The following TBC1D15 variants were observed in gnomAD, a reference collection of about 807,000 sequenced individuals.
The protein encoded by TBC1D15 is TBC1 domain family member 15.
In TBC1D15, 39 loss-of-function variants were observed where a neutral mutation model predicts 95.4. The ratio of observed to expected loss-of-function variants is 0.41; its 90% CI spans 0.32 to 0.53. TBC1D15 has a LOEUF of 0.53. Among genes scored for constraint, TBC1D15 ranks in the 20% least tolerant of loss-of-function variants. The pLI, the probability that TBC1D15 is intolerant of heterozygous loss-of-function variation, is 0.29. For synonymous variants in TBC1D15, 258 were observed against 261.3 expected, an observed-to-expected ratio of 0.99 and a Z score of 0.12; for missense variants, 733 against 794.3, an observed-to-expected ratio of 0.92 and a Z score of 0.93.
Position 71,907,056 on chromosome 12 carries a change from G to T in TBC1D15, c.1218G>T (p.Lys406Asn). 6.2e-7 allele frequency: 1 copy of T among 1,611,704 alleles called. No individual in the cohort carries two copies. Among genetic ancestry groups the T allele is most frequent in the Non-Finnish European group, 8.5e-7 (1 of 1,178,892 alleles). ...TTAACAGAACAGATCGAACAAACAAGTTTTATGAAGGCCAAGATAATCCAG... is the reference window on the plus strand; with the variant it reads ...TTAACAGAACAGATCGAACAAACAATTTTTATGAAGGCCAAGATAATCCAG... ...KDVNRTDRTN[K>N]FYEGQDNPGL... The change falls in exon 11 of 17, where the codon AAG becomes AAT. Residue 406 changes from lysine to asparagine, a missense_variant. Lys to Asn is a moderately conservative substitution (Grantham distance 94). Coordinates refer to ENST00000485960, the MANE Select transcript of TBC1D15 (RefSeq NM_001146213.3).
chr12:71,891,073 A>G (rs1212453639), intron 5 of TBC1D15, among the ~76,000 whole-genome samples: 1 of 151,494 alleles, frequency 6.6e-6, no homozygotes, highest in Non-Finnish European at 1.5e-5. Context: ...AAATTTTGTT[A>G]TTGTACCTTT....
At chr12:71,850,257 A>C in intron 1 of TBC1D15, 1 of 526,224 alleles carries the variant, frequency 1.9e-6, no homozygotes, top group Non-Finnish European at 3.7e-6. Flanking sequence ...AAGAAGTAAC[A>C]TTTCTCTGTC....
Position 71,924,272 on chromosome 12 carries a change from G to A in TBC1D15, c.*1068G>A, listed in dbSNP as rs1426337121. 1.3e-5 allele frequency: 2 copies of A among 152,690 alleles called. No homozygotes were observed. The highest frequency in any genetic ancestry group is 2.1e-4 in the South Asian group (1 of 4,828). 9.5% of individuals were successfully genotyped at this position (152,690 alleles called of 1,614,324 possible). On this transcript the variant is annotated 3_prime_UTR_variant, in exon 17 of 17. Transcript: ENST00000485960. ...ACTGATTTTGTTTTAATTGTAAGTT[G>A]TTAACTCCTGTATATATCATTAAAA... is the stretch of plus-strand genomic sequence containing the variant.
chr12:71,923,166 C>A lies in TBC1D15; in HGVS notation c.1987C>A (p.Pro663Thr), dbSNP rs1566090835. ...GARNDSPTQI[P>T]VSSDVCRLTP... ...CAGAAATGACAGCCCAACACAGATA[C>A]CAGTGTCCTCAGATGTCTGCAGATT... is the stretch of plus-strand genomic sequence containing the variant. Residue 663 changes from proline (P) to threonine (T), a missense_variant, in exon 17 of 17, where the codon CCA becomes ACA. Pro to Thr is a conservative substitution (Grantham distance 38). Coordinates refer to ENST00000485960, the MANE Select transcript of TBC1D15 (RefSeq NM_001146213.3). 3.1e-6 allele frequency: 5 copies of A among 1,614,214 alleles called. No homozygotes were observed. The highest frequency in any genetic ancestry group is 4.2e-6 in the Non-Finnish European group (5 of 1,180,034).
intron 10 of TBC1D15, among the ~76,000 whole-genome samples, chr12:71,898,244 T>C (rs1373770582): frequency 6.6e-6 from 1 of 152,080 alleles, no homozygotes; most frequent in Non-Finnish European, 1.5e-5. Flanking sequence ...AAAACTTTAT[T>C]TTCTTTTTTA....
intron 4 of TBC1D15, 42 bp from the exon 5 acceptor site, chr12:71,884,769 A>G (rs1895897540): frequency 2.5e-6 from 4 of 1,601,430 alleles, no homozygotes; most frequent in Non-Finnish European, 3.4e-6. Context: ...ACCTTTTAAA[A>G]AGGTGAACAA....
chr12:71,871,806 CT>C (rs1292681884), intron 1 of TBC1D15, among the ~76,000 whole-genome samples: 1 of 152,196 alleles, frequency 6.6e-6, no homozygotes, highest in Non-Finnish European at 1.5e-5. Flanking sequence ...AGTCTGACAT[CT>C]TTGTTTAAGT....
At position 71,886,194 on chromosome 12, in the gene TBC1D15, CTTCCTTCCTTCCT is replaced by C. The variant is rs1310569235; in HGVS notation, c.554+1186_554+1198del. ...CTGCAGGGAATGATTGCTAACCTTC[CTTCCTTCCTTCCT>C]TTCCTTCCTTCCATGCAGTGGTGCG... On this transcript the variant is annotated intron_variant, in intron 5 of 16. Coordinates refer to ENST00000485960, the MANE Select transcript of TBC1D15 (RefSeq NM_001146213.3). Among the ~76,000 whole-genome samples, 7 of 151,928 alleles carry C rather than the reference CTTCCTTCCTTCCT, an allele frequency of 4.6e-5. No homozygotes were observed. The East Asian group carries it at 9.7e-4, about 21-fold the overall frequency.
intron 1 of TBC1D15, chr12:71,841,062 C>T (rs180813192): frequency 8.6e-5 from 13 of 152,024 alleles, no homozygotes; most frequent in Admixed American, 8.5e-4. Flanking sequence ...TATTCGTGCT[C>T]CTTGGTTGTC....
In TBC1D15 at chr12:71,901,147, A is replaced by G. The variant is rs1247941538; in HGVS notation, c.1183+3206A>G. Among the ~76,000 whole-genome samples the G allele has an allele frequency of 6.6e-5, 10 of 152,114 alleles. 1 individual carries two copies. The highest frequency in any genetic ancestry group is 3.2e-3 in the Middle Eastern group (1 of 316). On this transcript the variant is annotated intron_variant, in intron 10 of 16. Transcript: ENST00000485960. The stretch of plus-strand genomic sequence containing the variant: ...AGGATACTCCAGCCTCAGCCTCCCA[A>G]GTAGCTGGGGCTGCATGCACGCACC...
intron 5 of TBC1D15, among the ~76,000 whole-genome samples, chr12:71,887,186 A>G (rs1025663374): frequency 4.7e-5 from 6 of 127,770 alleles, no homozygotes; most frequent in East Asian, 2.6e-4. Flanking sequence ...AAAGCAAACT[A>G]TTTTTACTTG....
At chr12:71,901,244 A>G (rs1807583446) in intron 10 of TBC1D15, among the ~76,000 whole-genome samples, 1 of 151,740 alleles carries the variant, frequency 6.6e-6, no homozygotes, top group Admixed American at 6.6e-5. Context: ...CTGGTCTCCA[A>G]CTCCTGGCCT....
At chr12:71,910,380 T>A (rs1901917106) in intron 11 of TBC1D15, among the ~76,000 whole-genome samples, 1 of 150,212 alleles carries the variant, frequency 6.7e-6, no homozygotes, top group Admixed American at 6.6e-5. Context: ...TTAAAGTAGT[T>A]TTTTCCAATT....
At chr12:71,893,371 A>G in intron 6 of TBC1D15, 47 bp downstream of exon 6, 1 of 1,381,638 alleles carries the variant, frequency 7.2e-7, no homozygotes, top group Non-Finnish European at 1.0e-6. Context: ...GCATTATTTT[A>G]TATACCCTGT....
intron 11 of TBC1D15, among the ~76,000 whole-genome samples, chr12:71,912,059 G>A (rs1046269373): frequency 4.6e-5 from 7 of 152,106 alleles, no homozygotes; most frequent in Admixed American, 4.6e-4. Context: ...GCTCAGTAAC[G>A]TAGTACTCTT....
chr12:71,877,328 TTGA>T (rs1035942978), intron 3 of TBC1D15, among the ~76,000 whole-genome samples: 3 of 151,744 alleles, frequency 2.0e-5, no homozygotes, highest in African/African-American at 4.8e-5. Flanking sequence ...TGCTGGGTAC[TTGA>T]TGAGCTCTTT....
At chr12:71,896,613 T>C (rs1898235813) in intron 8 of TBC1D15, 64 bp from the exon 9 acceptor site, 1 of 1,397,928 alleles carries the variant, frequency 7.2e-7, no homozygotes, top group South Asian at 1.3e-5. Flanking sequence ...TATATGCAAG[T>C]TTTGTGAACT....
At chr12:71,866,193 G>A (rs1456631254) in intron 1 of TBC1D15, among the ~76,000 whole-genome samples, 2 of 152,072 alleles carry the variant, frequency 1.3e-5, no homozygotes, top group African/African-American at 4.8e-5. Flanking sequence ...TCTCAGTGAT[G>A]AAGGGAATCT....
chr12:71,903,834 T>C (rs915850334), intron 10 of TBC1D15, among the ~76,000 whole-genome samples: 9 of 151,970 alleles, frequency 5.9e-5, no homozygotes, highest in Admixed American at 3.9e-4. Flanking sequence ...AAGGAAACAG[T>C]AGACACTGGG....
Sources: gnomAD v4.1 joint callset for allele counts (sites outside exome capture counted in the v4.1 genomes callset) on GRCh38, gnomAD v4.1.1 for gene constraint, MANE v1.5 for transcripts, NCBI Gene and HGNC (gene_info 2026-07-23, HGNC 2026-07-21) for gene names.